The following SUPT3H variants were observed in gnomAD, a reference collection of about 807,000 sequenced individuals.
The protein encoded by SUPT3H is transcription initiation protein SPT3 homolog.
A neutral mutation model predicts 44.3 loss-of-function variants in SUPT3H; 44 were observed. The observed-to-expected ratio is 0.99, with a 90% CI of 0.78 to 1.28. The LOEUF (loss-of-function observed/expected upper bound fraction) is 1.28. Among genes scored for constraint, SUPT3H ranks in the 50% most tolerant of loss-of-function variants. The probability of loss-of-function intolerance (pLI) is 0.00; values close to 1 mark genes in which losing one functional copy is unlikely to be tolerated. For missense variants in SUPT3H, 380 were observed against 387.1 expected (o/e 0.98, Z 0.15); for synonymous variants, 124 against 125.6 (o/e 0.99, Z 0.09).
At chr6:44,902,563 A>C (rs1028367597) in intron 10 of SUPT3H, among the ~76,000 whole-genome samples, 1 of 152,112 alleles carries the variant, frequency 6.6e-6, no homozygotes, top group African/African-American at 2.4e-5. Flanking sequence ...AGAGACTTAG[A>C]CTCCCACAAT....
At chr6:44,888,382 C>G (rs62438014) in intron 10 of SUPT3H, among the ~76,000 whole-genome samples, 2 of 152,036 alleles carry the variant, frequency 1.3e-5, no homozygotes, top group African/African-American at 2.4e-5. Flanking sequence ...TACTGGCAAA[C>G]CGAATCCAGC....
chr6:45,291,877 C>T (rs1168859223), intron 2 of SUPT3H, among the ~76,000 whole-genome samples: 1 of 152,122 alleles, frequency 6.6e-6, no homozygotes, highest in Non-Finnish European at 1.5e-5. Context: ...GGGGAATAAT[C>T]GAGGAAAACT....
In SUPT3H at chr6:45,146,498, G is replaced by A. The variant is rs147511465; in HGVS notation, c.102-40492C>T. ...GTACAGCATATGCTGCATGGGTGAC[G>A]GTGCACCAGAATCTCAGAAATCACC... On this transcript the variant is annotated intron_variant, in intron 2 of 10. Transcript: ENST00000371459. Among the ~76,000 whole-genome samples the A allele has an allele frequency of 3.3e-3, 503 of 152,048 alleles. 2 individuals are homozygous for A. Among genetic ancestry groups the A allele is most frequent in the African/African-American group, 0.011 (475 of 41,488 alleles).
At chr6:44,888,117 T>A (rs1762632448) in intron 10 of SUPT3H, among the ~76,000 whole-genome samples, 3 of 152,274 alleles carry the variant, frequency 2.0e-5, no homozygotes, top group Admixed American at 2.0e-4. Context: ...ATTGTGGCAA[T>A]AATCAATGGC....
intron 2 of SUPT3H, among the ~76,000 whole-genome samples, chr6:45,361,243 G>C (rs1794203676): frequency 6.6e-6 from 1 of 151,866 alleles, no homozygotes; most frequent in African/African-American, 2.4e-5. Flanking sequence ...ATTTTCATTT[G>C]GAAGAATTCT....
intron 9 of SUPT3H, among the ~76,000 whole-genome samples, chr6:44,949,586 T>C (rs1283560273): frequency 1.4e-5 from 2 of 140,732 alleles, no homozygotes; most frequent in Non-Finnish European, 1.5e-5. Context: ...TACAAACTGG[T>C]AATAAAAGTC....
At chr6:45,048,084 TAA>T (rs1789687692) in intron 3 of SUPT3H, among the ~76,000 whole-genome samples, 1 of 152,092 alleles carries the variant, frequency 6.6e-6, no homozygotes, top group South Asian at 2.1e-4. Context: ...AAAATCCAAA[TAA>T]AGTTTGGATT....
At chr6:44,995,231 T>A (rs985492393) in intron 6 of SUPT3H, among the ~76,000 whole-genome samples, 1 of 152,066 alleles carries the variant, frequency 6.6e-6, no homozygotes. Flanking sequence ...ATCTAATAGA[T>A]GTTACTGCAT....
chr6:45,135,033 T>C (rs1804055859), intron 2 of SUPT3H, among the ~76,000 whole-genome samples: 1 of 152,196 alleles, frequency 6.6e-6, no homozygotes, highest in Non-Finnish European at 1.5e-5. Context: ...TAGCAAAGTT[T>C]ACAGGTTGTA....
intron 2 of SUPT3H, among the ~76,000 whole-genome samples, chr6:45,293,338 G>C (rs760956868): frequency 6.6e-6 from 1 of 152,076 alleles, no homozygotes; most frequent in African/African-American, 2.4e-5. Flanking sequence ...AGCAAAGGCA[G>C]TGCTTAGAGG....
chr6:45,226,545 A>G (rs530101874), intron 2 of SUPT3H, among the ~76,000 whole-genome samples: 1 of 152,162 alleles, frequency 6.6e-6, no homozygotes, highest in South Asian at 2.1e-4. Context: ...CTCTACAAAA[A>G]AAAATTTTTT....
chr6:45,176,858 CCTGT>C (rs1490964531), intron 2 of SUPT3H, among the ~76,000 whole-genome samples: 9 of 152,148 alleles, frequency 5.9e-5, no homozygotes, highest in Non-Finnish European at 1.0e-4. Flanking sequence ...AGCTGAGCGT[CCTGT>C]CTGTTAGAAG....
chr6:45,192,871 CTGACTTCTAGTATTATAGATA>C (rs1815374198), intron 2 of SUPT3H, among the ~76,000 whole-genome samples: 1 of 152,116 alleles, frequency 6.6e-6, no homozygotes, highest in Non-Finnish European at 1.5e-5. Context: ...AATAATAACT[CTGACTTCTAGTATTATAGATA>C]TGAGAAATGC....
At chr6:44,925,952 C>T (rs551972148) in intron 10 of SUPT3H, among the ~76,000 whole-genome samples, 6 of 152,120 alleles carry the variant, frequency 3.9e-5, no homozygotes, top group Non-Finnish European at 8.8e-5. Context: ...ACCTTTGTTA[C>T]ACCCATTTTT....
chr6:45,236,849 T>C (rs975556692), intron 2 of SUPT3H, among the ~76,000 whole-genome samples: 3 of 152,194 alleles, frequency 2.0e-5, no homozygotes, highest in South Asian at 2.1e-4. Context: ...GGTTCTCCTT[T>C]TGTAATGGGA....
intron 2 of SUPT3H, among the ~76,000 whole-genome samples, chr6:45,282,103 A>C (rs1291897381): frequency 6.6e-6 from 1 of 152,218 alleles, no homozygotes; most frequent in Non-Finnish European, 1.5e-5. Context: ...ACTATCATCA[A>C]AGACCAAAGG....
intron 1 of SUPT3H, among the ~76,000 whole-genome samples, chr6:45,370,916 TA>T (rs542828887): frequency 4.2e-4 from 63 of 151,032 alleles, no homozygotes; most frequent in African/African-American, 1.3e-3. Flanking sequence ...AAATTGAGTT[TA>T]AAAAAAAAAT....
intron 3 of SUPT3H, among the ~76,000 whole-genome samples, chr6:45,060,000 C>T (rs965151943): frequency 2.0e-5 from 3 of 152,098 alleles, no homozygotes; most frequent in Non-Finnish European, 2.9e-5. Context: ...GAATCAATAT[C>T]GTGAAAATGG....
At chr6:44,906,628 G>A (rs905746707) in intron 10 of SUPT3H, among the ~76,000 whole-genome samples, 2 of 152,102 alleles carry the variant, frequency 1.3e-5, no homozygotes, top group African/African-American at 2.4e-5. Context: ...CAGGCATGGT[G>A]GTGGGCCCCT....
Sources: gnomAD v4.1 joint callset for allele counts (sites outside exome capture counted in the v4.1 genomes callset) on GRCh38, gnomAD v4.1.1 for gene constraint, MANE v1.5 for transcripts, NCBI Gene and HGNC (gene_info 2026-07-23, HGNC 2026-07-21) for gene names.